Variants in MMP7 observed in about 807,000 individuals in gnomAD.
The protein encoded by MMP7 is matrilysin.
In MMP7, 26 loss-of-function variants were observed where a neutral mutation model predicts 31.5. That is an observed-to-expected ratio of 0.83 (90% CI 0.61 to 1.15). The LOEUF (loss-of-function observed/expected upper bound fraction) is 1.15, where lower values mean the gene tolerates loss of function less well. MMP7 is among the 50% of genes most tolerant of loss of function. The pLI is 0.00. For synonymous variants in MMP7, 142 were observed against 124.2 expected, an observed-to-expected ratio of 1.14 and a Z score of -0.95; for missense variants, 367 against 326.5, an observed-to-expected ratio of 1.12 and a Z score of -0.96.
At chr11:102,524,663 G>A (rs953562662) in intron 4 of MMP7, 4 of 215,716 alleles carry the variant, frequency 1.9e-5, no homozygotes, top group African/African-American at 6.9e-5. Flanking sequence ...CTGAGGCTCA[G>A]AGAAATTCAA....
chr11:102,527,392 TCTATCTATTAA>T, intron 3 of MMP7, 121 bp downstream of exon 3: 1 of 1,100,062 alleles, frequency 9.1e-7, no homozygotes. Context: ...TATTGCTAAA[TCTATCTATTAA>T]CTATCTATCT....
intron 4 of MMP7, among the ~76,000 whole-genome samples, chr11:102,523,754 G>T (rs887452737): frequency 1.3e-5 from 2 of 152,152 alleles, no homozygotes; most frequent in Non-Finnish European, 2.9e-5. Flanking sequence ...GACAACTCTG[G>T]ACAGATTAAT....
intron 3 of MMP7, among the ~76,000 whole-genome samples, chr11:102,526,435 C>T (rs1858673696): frequency 6.6e-6 from 1 of 151,956 alleles, no homozygotes; most frequent in Non-Finnish European, 1.5e-5. Flanking sequence ...TGGGGTTTCA[C>T]CCTATTGGCC....
chr11:102,521,168 G>A (rs1046687289), intron 5 of MMP7, among the ~76,000 whole-genome samples: 3 of 152,100 alleles, frequency 2.0e-5, no homozygotes, highest in Non-Finnish European at 2.9e-5. Context: ...GAAGTCTTGG[G>A]ATACTGCAAG....
chr11:102,522,405 A>G (rs1858623174), intron 5 of MMP7, among the ~76,000 whole-genome samples: 1 of 152,224 alleles, frequency 6.6e-6, no homozygotes, highest in Non-Finnish European at 1.5e-5. Context: ...GCTGATTTAA[A>G]GATGTCATTC....
Position 102,527,521 on chromosome 11 carries a change from T to C in MMP7, c.484+3A>G. ...AGGATTAGCCTACAGGAATCTTTCT[T>C]ACCTCCTCGCGCAAAGCCAATCATG... On this transcript the variant is annotated splice_donor_region_variant and intron_variant, in intron 3 of 5. Transcript: ENST00000260227. 5.6e-6 allele frequency: 9 copies of C among 1,614,156 alleles called. No homozygotes were observed. Among genetic ancestry groups the C allele is most frequent in the African/African-American group, 1.3e-5 (1 of 75,050 alleles).
intron 3 of MMP7, among the ~76,000 whole-genome samples, chr11:102,526,388 C>G (rs947464392): frequency 6.6e-6 from 1 of 151,794 alleles, no homozygotes; most frequent in Non-Finnish European, 1.5e-5. Context: ...TACAGGCATG[C>G]GTCACCATGC....
Position 102,523,373 on chromosome 11 carries a change from A to T in MMP7, c.642T>A (p.His214Gln), listed in dbSNP as rs746703705. The change falls in exon 5 of 6, where the codon CAT becomes CAA. Residue 214 changes from histidine to glutamine, a missense_variant. Coordinates refer to ENST00000260227, the MANE Select transcript of MMP7 (RefSeq NM_002423.5). The stretch of plus-strand genomic sequence containing the variant: ...CCATACCCAAAGAATGGCCAAGTTC[A>T]TGAGTTGCAGCATACAGGAAGTTAA... ...LGINFLYAAT[H>Q]ELGHSLGMGH... 6.2e-7 allele frequency: 1 copy of T among 1,610,300 alleles called. No individual in the cohort carries two copies. The highest frequency in any genetic ancestry group is 1.1e-5 in the South Asian group (1 of 90,068).
Position 102,520,751 on chromosome 11 carries a change from T to C in MMP7, c.*25A>G, listed in dbSNP as rs1287865574. ...AATGATATACAATCCAATGAATGAA[T>C]GAATGGATGTTCTGCCTGAAGTTTC... On this transcript the variant is annotated 3_prime_UTR_variant, in exon 6 of 6. Coordinates refer to ENST00000260227, the MANE Select transcript of MMP7 (RefSeq NM_002423.5). 1.9e-6 allele frequency: 3 copies of C among 1,545,036 alleles called. No individual in the cohort carries two copies. The highest frequency in any genetic ancestry group is 4.5e-5 in the East Asian group (2 of 44,522).
Position 102,524,964 on chromosome 11 carries a change from A to T in MMP7, c.585T>A (p.Asp195Glu), listed in dbSNP as rs767151950. ...GLGGDAHFDE[D>E]ERWTDGSSLG... The stretch of plus-strand genomic sequence containing the variant: ...GACTGCTACCATCCGTCCAGCGTTC[A>T]TCCTCATCGAAGTGAGCATCTCCTC... Residue 195 changes from aspartate to glutamate, a missense_variant, in exon 4 of 6, where the codon GAT becomes GAA. Coordinates refer to ENST00000260227, the MANE Select transcript of MMP7 (RefSeq NM_002423.5). The T allele has an allele frequency of 6.2e-6, 10 of 1,613,948 alleles. No homozygotes were observed. The highest frequency in any genetic ancestry group is 2.2e-5 in the East Asian group (1 of 44,878).
At chr11:102,522,172 T>C (rs1363037191) in intron 5 of MMP7, among the ~76,000 whole-genome samples, 5 of 152,240 alleles carry the variant, frequency 3.3e-5, no homozygotes, top group Admixed American at 1.3e-4. Flanking sequence ...AGGACTAGTG[T>C]TCTGAGAATA....
chr11:102,526,793 A>T (rs1858677437), intron 3 of MMP7, among the ~76,000 whole-genome samples: 1 of 152,210 alleles, frequency 6.6e-6, no homozygotes. Context: ...GGAGCTGAAA[A>T]ATTCCTATAG....
intron 5 of MMP7, among the ~76,000 whole-genome samples, chr11:102,522,554 A>G (rs763065358): frequency 3.3e-5 from 5 of 152,256 alleles, no homozygotes; most frequent in Admixed American, 6.5e-5. Context: ...GACCTTGGAC[A>G]GTCCACTTAG....
At position 102,525,131 on chromosome 11, in the gene MMP7, A is replaced by G; in HGVS notation, c.485-67T>C. On this transcript the variant is annotated intron_variant, in intron 3 of 5. Coordinates refer to ENST00000260227, the MANE Select transcript of MMP7 (RefSeq NM_002423.5). ...TTTTTCTCCAGTCATTTTATTTTTC[A>G]GTTTATACGATTATTGAGGCTAGAA... 4 of 1,544,420 alleles carry G rather than the reference A, an allele frequency of 2.6e-6. No homozygotes were observed. In the African/African-American group the frequency reaches 5.6e-5, roughly 21 times the overall value.
intron 3 of MMP7, among the ~76,000 whole-genome samples, chr11:102,526,507 G>A (rs1025431919): frequency 6.6e-6 from 1 of 152,014 alleles, no homozygotes; most frequent in East Asian, 1.9e-4. Context: ...GAAGTGCTGG[G>A]ATTACAGGCG....
At chr11:102,530,511 G>T (rs1334646370) in intron 1 of MMP7, 82 bp downstream of exon 1, 3 of 1,120,292 alleles carry the variant, frequency 2.7e-6, no homozygotes, top group Admixed American at 1.9e-5. Context: ...ATGCTAACAT[G>T]GGAAGGGAAA....
chr11:102,524,079 G>A (rs374816554), intron 4 of MMP7, among the ~76,000 whole-genome samples: 2 of 152,192 alleles, frequency 1.3e-5, no homozygotes, highest in East Asian at 3.8e-4. Flanking sequence ...GTGCGTTTGA[G>A]GAGTGGCCTG....
rs182978396 is a variant in MMP7 at position 102,522,870 on chromosome 11, G to A, written c.775+370C>T. On this transcript the variant is annotated intron_variant, in intron 5 of 5. Transcript: ENST00000260227. ...TAATTATCTAGGATTGAATCCTTAG[G>A]AGTGGGCAGCTATGAAGAAAGGTGT... is the stretch of plus-strand genomic sequence containing the variant. 3.9e-5 allele frequency among the ~76,000 whole-genome samples: 6 copies of A among 152,326 alleles called. No individual in the cohort carries two copies. In the East Asian group the frequency reaches 1.2e-3, roughly 29 times the overall value.
At chr11:102,525,891 T>C (rs1473063399) in intron 3 of MMP7, among the ~76,000 whole-genome samples, 1 of 151,932 alleles carries the variant, frequency 6.6e-6, no homozygotes, top group Non-Finnish European at 1.5e-5. Flanking sequence ...GATGCAGAGC[T>C]GGTTATCTTC....
Sources: gnomAD v4.1 joint callset for allele counts (sites outside exome capture counted in the v4.1 genomes callset) on GRCh38, gnomAD v4.1.1 for gene constraint, MANE v1.5 for transcripts, NCBI Gene and HGNC (gene_info 2026-07-23, HGNC 2026-07-21) for gene names.